PLEKHG2: variants seen among roughly 807,000 people sequenced by gnomAD.
PLEKHG2 encodes the protein pleckstrin homology domain-containing family G member 2.
In PLEKHG2, 71 loss-of-function variants were observed where a neutral mutation model predicts 104.4. The observed-to-expected ratio is 0.68, with a 90% CI of 0.56 to 0.83. The LOEUF is 0.83. Ranked by LOEUF, PLEKHG2 falls within the 40% of genes least tolerant of loss-of-function variation. The pLI, the probability that PLEKHG2 is intolerant of heterozygous loss-of-function variation, is 0.00. For synonymous variants in PLEKHG2, 728 were observed against 737.0 expected (o/e 0.99, Z 0.20); for missense variants, 1,730 against 1,809.4 (o/e 0.96, Z 0.80).
chr19:39,414,556 A>T (rs1568388278), intron 2 of PLEKHG2, among the ~76,000 whole-genome samples: 1 of 152,212 alleles, frequency 6.6e-6, no homozygotes. Context: ...GCTGCATGTA[A>T]GTGACTGAAA....
In PLEKHG2 at chr19:39,424,287, A is replaced by C; in HGVS notation, c.3154A>C (p.Asn1052His). The change falls in exon 19 of 19, where the codon AAT (asparagine) becomes CAT (histidine). Residue 1052 changes from asparagine to histidine, a missense_variant. Transcript: ENST00000425673. ...EGHLDSESPT[N>H]IPLTKQGGSR... ...TCACCTAGACAGCGAGAGCCCAACC[A>C]ATATCCCACTGACAAAGCAAGGAGG... The C allele has an allele frequency of 6.2e-7, 1 of 1,613,934 alleles. No homozygotes were observed. The highest frequency in any genetic ancestry group is 8.5e-7 in the Non-Finnish European group (1 of 1,179,964).
intron 13 of PLEKHG2, 39 bp downstream of exon 13, chr19:39,420,891 C>T (rs762274910): frequency 2.5e-6 from 4 of 1,614,058 alleles, no homozygotes; most frequent in Non-Finnish European, 2.5e-6. Flanking sequence ...CCCTCAGCCC[C>T]ACTTCCCTAG....
Position 39,425,197 on chromosome 19 carries a change from A to G in PLEKHG2, c.4064A>G (p.Gln1355Arg), listed in dbSNP as rs2078766643. 1.9e-6 allele frequency: 3 copies of G among 1,611,864 alleles called. No individual in the cohort carries two copies. The Admixed American group carries it at 5.0e-5, about 27-fold the overall frequency. ...GGGRLRPAKAQVRLNHPALLA... is the reference protein window; with the variant it reads ...GGGRLRPAKARVRLNHPALLA... ...GGGCGGCTGCGGCCAGCCAAGGCCC[A>G]GGTCCGGTTGAACCACCCTGCTCTC... Residue 1355 changes from glutamine to arginine, a missense_variant, in exon 19 of 19, where the codon CAG becomes CGG. Transcript: ENST00000425673.
Position 39,422,349 on chromosome 19 carries a change from G to T in PLEKHG2, c.1677+61G>T. 6.5e-7 allele frequency: 1 copy of T among 1,540,354 alleles called. No individual in the cohort carries two copies. Among genetic ancestry groups the T allele is most frequent in the South Asian group, 1.2e-5 (1 of 83,982 alleles). ...TCTGGGTGTGGGCACACAGACCAGG[G>T]ACCAGATAGGCCAGCCCATGCTGAT... is the stretch of plus-strand genomic sequence containing the variant. On this transcript the variant is annotated intron_variant, in intron 17 of 18. Coordinates refer to ENST00000425673, the MANE Select transcript of PLEKHG2 (RefSeq NM_022835.3).
Position 39,420,935 on chromosome 19 carries a change from C to T in PLEKHG2, c.1400-14C>T, listed in dbSNP as rs779515158. The T allele has an allele frequency of 1.2e-6, 2 of 1,614,042 alleles. No individual in the cohort carries two copies. Among genetic ancestry groups the T allele is most frequent in the South Asian group, 1.1e-5 (1 of 91,084 alleles). On this transcript the variant is annotated splice_polypyrimidine_tract_variant and intron_variant, in intron 13 of 18. Coordinates refer to ENST00000425673, the MANE Select transcript of PLEKHG2 (RefSeq NM_022835.3). ...AGCTGGGCTCACACAGGGCTCTGGC[C>T]CTCCCTCCCACAGCTCCATCTCCTG...
chr19:39,426,014 CCGTT>C lies in PLEKHG2; in HGVS notation c.*722_*725del, dbSNP rs906169586. ...TTACCCATCTTCTCCATCCAGCACTCCGTTCATCAGTCCGTCTCTCCCTCCATAT... is the reference window on the plus strand; with the variant it reads ...TTACCCATCTTCTCCATCCAGCACTCCATCAGTCCGTCTCTCCCTCCATAT... On this transcript the variant is annotated 3_prime_UTR_variant, in exon 19 of 19. Transcript: ENST00000425673. 2.0e-4 allele frequency: 30 copies of C among 152,566 alleles called. No homozygotes were observed. Among genetic ancestry groups the C allele is most frequent in the African/African-American group, 7.0e-4 (29 of 41,580 alleles). The allele number at this position is 152,566 out of a possible 1,614,324, so 9.5% of individuals were successfully genotyped here.
Position 39,418,779 on chromosome 19 carries a change from T to C in PLEKHG2, c.1129T>C (p.Phe377Leu), listed in dbSNP as rs1229456726. ...CGAGAGTCCCCGAGACCCTCTAGGG[T>C]TCAAGGTGTCTGATCTGACCATTCC... is the stretch of plus-strand genomic sequence containing the variant. ...VSESPRDPLG[F>L]KVSDLTIPKH... Residue 377 changes from phenylalanine to leucine, a missense_variant, in exon 10 of 19, where the codon TTC becomes CTC. Physicochemically the swap from Phe to Leu is conservative, Grantham distance 22 (BLOSUM62 0). Transcript: ENST00000425673. The C allele has an allele frequency of 1.2e-6, 2 of 1,612,840 alleles. No individual in the cohort carries two copies. Among genetic ancestry groups the C allele is most frequent in the East Asian group, 2.2e-5 (1 of 44,830 alleles).
Position 39,425,214 on chromosome 19 carries a change from C to G in PLEKHG2, c.4081C>G (p.Pro1361Ala). ...PAKAQVRLNH[P>A]ALLASTQESM... ...CAAGGCCCAGGTCCGGTTGAACCAC[C>G]CTGCTCTCTTGGCCTCCACACAGGA... is the stretch of plus-strand genomic sequence containing the variant. The change falls in exon 19 of 19, where the codon CCT becomes GCT. Residue 1361 changes from proline to alanine, a missense_variant. Coordinates refer to ENST00000425673, the MANE Select transcript of PLEKHG2 (RefSeq NM_022835.3). 1 of 1,613,284 alleles carries G rather than the reference C, an allele frequency of 6.2e-7. No homozygotes were observed. Among genetic ancestry groups the G allele is most frequent in the Non-Finnish European group, 8.5e-7 (1 of 1,179,952 alleles).
At chr19:39,419,643 C>T (rs1391488868) in intron 11 of PLEKHG2, among the ~76,000 whole-genome samples, 3 of 151,688 alleles carry the variant, frequency 2.0e-5, no homozygotes, top group East Asian at 1.9e-4. Context: ...TTTGGGAGGC[C>T]GAGGCGGGCG....
In PLEKHG2 at chr19:39,424,940, C is replaced by T. The variant is rs1389514526; in HGVS notation, c.3807C>T (p.Leu1269=). The T allele has an allele frequency of 1.2e-6, 2 of 1,614,136 alleles. No homozygotes were observed. The highest frequency in any genetic ancestry group is 1.7e-6 in the Non-Finnish European group (2 of 1,180,048). The change falls in exon 19 of 19, where the codon CTC becomes CTT. Residue 1269 remains leucine (L), a synonymous_variant. Coordinates refer to ENST00000425673, the MANE Select transcript of PLEKHG2 (RefSeq NM_022835.3). ...GTCCCCCACCTTCCAGCCGTCAGCT[C>T]CTGGGCCCCAATGCAGCTGCCCTCT... is the stretch of plus-strand genomic sequence containing the variant. The part of the protein sequence containing the change: ...PHSPPPSSRQ[L]LGPNAAALSR...
chr19:39,424,507 C>G lies in PLEKHG2; in HGVS notation c.3374C>G (p.Ala1125Gly). 6.2e-7 allele frequency: 1 copy of G among 1,614,146 alleles called. No homozygotes were observed. Among genetic ancestry groups the G allele is most frequent in the South Asian group, 1.1e-5 (1 of 91,072 alleles). ...HGSHLDHRIP[A>G]NAPLSLSQEL... ...AGCCACCTGGACCATCGGATCCCAGCCAACGCCCCACTGTCTTTGTCCCAG... is the reference window on the plus strand; with the variant it reads ...AGCCACCTGGACCATCGGATCCCAGGCAACGCCCCACTGTCTTTGTCCCAG... The change falls in exon 19 of 19, where the codon GCC (alanine) becomes GGC (glycine). Residue 1125 changes from alanine (A) to glycine (G), a missense_variant. Ala to Gly is a moderately conservative substitution (Grantham distance 60). Coordinates refer to ENST00000425673, the MANE Select transcript of PLEKHG2 (RefSeq NM_022835.3).
Position 39,425,008 on chromosome 19 carries a change from G to A in PLEKHG2, c.3875G>A (p.Arg1292Gln), listed in dbSNP as rs755381950. Residue 1292 changes from arginine (R) to glutamine (Q), a missense_variant, in exon 19 of 19, where the codon CGG becomes CAG. By Grantham distance (43) the Arg-to-Gln change is conservative (BLOSUM62 1). Transcript: ENST00000425673. ...AASYISQSLA[R>Q]RQGPGGGAPA... ...TCATATATCAGCCAGAGCCTGGCTC[G>A]GCGGCAGGGGCCTGGGGGAGGGGCC... The A allele has an allele frequency of 1.7e-5, 28 of 1,608,596 alleles. No individual in the cohort carries two copies. The highest frequency in any genetic ancestry group is 1.7e-4 in the Middle Eastern group (1 of 6,004).
At chr19:39,417,714 G>T (rs1359970517) in intron 8 of PLEKHG2, 22 bp downstream of exon 8, 48 of 1,607,890 alleles carry the variant, frequency 3.0e-5, no homozygotes, top group Non-Finnish European at 3.6e-5. Flanking sequence ...GTGGGCTGGG[G>T]CTTGCTGGAT....
chr19:39,419,104 T>C, intron 11 of PLEKHG2, 101 bp downstream of exon 11: 1 of 1,071,300 alleles, frequency 9.3e-7, no homozygotes, highest in Non-Finnish European at 1.3e-6. Context: ...CAGTCTGTTA[T>C]AATGTGATTG....
chr19:39,418,609 T>C (rs1352654873), intron 9 of PLEKHG2, 125 bp from the exon 10 acceptor site: 7 of 678,636 alleles, frequency 1.0e-5, no homozygotes, highest in African/African-American at 7.4e-5. Context: ...AAACCCACCA[T>C]ACAGCCTTAT....
rs2078692904 is a variant in PLEKHG2, at chr19:39,421,098, A to G, written c.1471A>G (p.Met491Val). 6.5e-7 allele frequency: 1 copy of G among 1,536,362 alleles called. No individual in the cohort carries two copies. Among genetic ancestry groups the G allele is most frequent in the East Asian group, 2.5e-5 (1 of 39,360 alleles). ...QSEPVKDPYVMFPQNAKPGFK... is the reference protein window; with the variant it reads ...QSEPVKDPYVVFPQNAKPGFK... ...AGAGCCGGTGAAGGACCCTTATGTC[A>G]TGTTCCCACAGAACGGTCAGTGACT... Residue 491 changes from methionine to valine, a missense_variant, in exon 15 of 19, where the codon ATG becomes GTG. Met to Val is a conservative substitution (Grantham distance 21). Transcript: ENST00000425673.
At position 39,423,442 on chromosome 19, in the gene PLEKHG2, G is replaced by A; in HGVS notation, c.2388G>A (p.Leu796=). ...TGCTGATCCTGGAGGATTCGGATCT[G>A]GGTGGAGACAGCGGGAGCGGGAAGG... The part of the protein sequence containing the change: ...EPLLILEDSD[L]GGDSGSGKAG... Residue 796 remains leucine, a synonymous_variant, in exon 18 of 19, where the codon CTG becomes CTA. Coordinates refer to ENST00000425673, the MANE Select transcript of PLEKHG2 (RefSeq NM_022835.3). 2 of 1,608,992 alleles carry A rather than the reference G, an allele frequency of 1.2e-6. No homozygotes were observed. The highest frequency in any genetic ancestry group is 1.7e-6 in the Non-Finnish European group (2 of 1,176,888).
In PLEKHG2 at chr19:39,423,413, C is replaced by T; in HGVS notation, c.2359C>T (p.Pro787Ser). 3 of 1,610,752 alleles carry T rather than the reference C, an allele frequency of 1.9e-6. No individual in the cohort carries two copies. The highest frequency in any genetic ancestry group is 2.5e-6 in the Non-Finnish European group (3 of 1,178,388). The change falls in exon 18 of 19, where the codon CCA becomes TCA. Residue 787 changes from proline (P) to serine (S), a missense_variant. Transcript: ENST00000425673. Reference sequence around the variant, plus strand: ...GCTGGCCCGGCCAGGCTTCCCAGAGCCACTGCTGATCCTGGAGGATTCGGA... The same window carrying T: ...GCTGGCCCGGCCAGGCTTCCCAGAGTCACTGCTGATCCTGGAGGATTCGGA... ...GQLARPGFPEPLLILEDSDLG... is the reference protein window; with the variant it reads ...GQLARPGFPESLLILEDSDLG...
Position 39,425,469 on chromosome 19 carries a change from AGGG to A in PLEKHG2, c.*176_*178del. 1.0e-6 allele frequency: 1 copy of A among 996,802 alleles called. No homozygotes were observed. Among genetic ancestry groups the A allele is most frequent in the Non-Finnish European group, 1.3e-6 (1 of 752,582 alleles). The allele number at this position is 996,802 out of a possible 1,614,324, so 61.7% of individuals were successfully genotyped here. Reference sequence around the variant, plus strand: ...TTGCCTTGATCCACAGGGATGGGGAAGGGAGGAATGTCATTAATGTTTTGTTAA... The same window carrying A: ...TTGCCTTGATCCACAGGGATGGGGAAAGGAATGTCATTAATGTTTTGTTAA... On this transcript the variant is annotated 3_prime_UTR_variant, in exon 19 of 19. Transcript: ENST00000425673.
Sources: gnomAD v4.1 joint callset for allele counts (sites outside exome capture counted in the v4.1 genomes callset) on GRCh38, gnomAD v4.1.1 for gene constraint, MANE v1.5 for transcripts, NCBI Gene and HGNC (gene_info 2026-07-23, HGNC 2026-07-21) for gene names.